The following POFUT2 variants were observed in gnomAD, a reference collection of about 807,000 sequenced individuals.
The protein encoded by POFUT2 is protein O-fucosyltransferase 2.
In POFUT2, 30 loss-of-function variants were observed where a neutral mutation model predicts 55.0. The ratio of observed to expected loss-of-function variants is 0.55; its 90% CI spans 0.41 to 0.74. The LOEUF (loss-of-function observed/expected upper bound fraction) is 0.74, where lower values mean the gene tolerates loss of function less well. Among genes scored for constraint, POFUT2 ranks in the 30% least tolerant of loss-of-function variants. The pLI, the probability that POFUT2 is intolerant of heterozygous loss-of-function variation, is 0.00. For synonymous variants in POFUT2, 267 were observed against 231.1 expected, an observed-to-expected ratio of 1.16 and a Z score of -1.41; for missense variants, 524 against 562.6, an observed-to-expected ratio of 0.93 and a Z score of 0.69.
rs1435520125 is a variant in POFUT2 at position 45,265,983 on chromosome 21, T to TG, written c.1137-349dup. On this transcript the variant is annotated intron_variant, in intron 8 of 8. Transcript: ENST00000349485. This position sits in a 1 kb window ranked among gnomAD's most constrained non-coding sequence, Gnocchi z 4.6. ...ACGCCAGTGCAGGTCGAATACCTCC[T>TG]GGGGGTCACATGGTGAACAATGAGA... 4.1e-6 allele frequency: 5 copies of TG among 1,225,194 alleles called. No homozygotes were observed. The highest frequency in any genetic ancestry group is 1.6e-5 in the African/African-American group (1 of 64,112). 75.9% of individuals were successfully genotyped at this position (1,225,194 alleles called of 1,614,324 possible).
chr21:45,266,462 C>A (rs1231394093), intron 8 of POFUT2: 1 of 1,144,940 alleles, frequency 8.7e-7, no homozygotes, highest in African/African-American at 1.6e-5. Flanking sequence ...CAGCTGAGGG[C>A]AGGAGGCTGA....
At chr21:45,279,190 GAC>G (rs58889660) in intron 4 of POFUT2, among the ~76,000 whole-genome samples, 18,629 of 152,086 alleles carry the variant, frequency 0.12, 1,554 homozygotes, top group African/African-American at 0.24. Flanking sequence ...AGGAGATCGA[GAC>G]CATCCTGGCT....
At chr21:45,276,052 G>A (rs146394336) in intron 6 of POFUT2, among the ~76,000 whole-genome samples, 1 of 152,060 alleles carries the variant, frequency 6.6e-6, no homozygotes, top group African/African-American at 2.4e-5. Flanking sequence ...AGCCGGGTGC[G>A]GTGGCACGCG....
intron 1 of POFUT2, 66 bp downstream of exon 1, chr21:45,287,675 C>CCCAACCCAACA: frequency 8.5e-7 from 1 of 1,181,394 alleles, no homozygotes; most frequent in Non-Finnish European, 1.1e-6. Context: ...CGCCCCGCCC[C>CCCAACCCAACA]CATCCCATCC....
chr21:45,283,364 G>A lies in POFUT2; in HGVS notation c.527+19C>T. 1 of 1,586,250 alleles carries A rather than the reference G, an allele frequency of 6.3e-7. No individual in the cohort carries two copies. On this transcript the variant is annotated intron_variant, in intron 3 of 8. Transcript: ENST00000349485. ...GGTGGGGGGGCACCTGCGGCAGGGG[G>A]AGCAGCCTCAGCAGGCACCTGTAGT...
At chr21:45,286,588 A>G (rs1322360403) in intron 1 of POFUT2, among the ~76,000 whole-genome samples, 2 of 152,240 alleles carry the variant, frequency 1.3e-5, no homozygotes, top group Admixed American at 1.3e-4. Context: ...CTCTGGTACT[A>G]CTATTAAAAC....
chr21:45,277,203 G>A lies in POFUT2; in HGVS notation c.706-61C>T, dbSNP rs2029896418. On this transcript the variant is annotated intron_variant, in intron 5 of 8. Transcript: ENST00000349485. The surrounding 1 kb of genome is among the most constrained non-coding windows in gnomAD (Gnocchi z 6.9). ...CCGCCCGCCACGCAGCCCTCCCGGAGCGGGTTCTCCTGTCGCTGCCACCAC... is the reference window on the plus strand; with the variant it reads ...CCGCCCGCCACGCAGCCCTCCCGGAACGGGTTCTCCTGTCGCTGCCACCAC... 1 of 1,584,802 alleles carries A rather than the reference G, an allele frequency of 6.3e-7. No individual in the cohort carries two copies. The highest frequency in any genetic ancestry group is 1.3e-5 in the African/African-American group (1 of 74,576).
Position 45,265,379 on chromosome 21 carries a change from G to A in POFUT2, c.*103C>T. On this transcript the variant is annotated 3_prime_UTR_variant, in exon 9 of 9. Transcript: ENST00000349485. The surrounding 1 kb of genome is among the most constrained non-coding windows in gnomAD (Gnocchi z 4.6). ...CTGGGACCCTGCGAGGGACGGTCCT[G>A]TCCGCCCAGCTCCCGGCTGGCAGTA... The A allele has an allele frequency of 9.1e-7, 1 of 1,101,642 alleles. No homozygotes were observed. Among genetic ancestry groups the A allele is most frequent in the Non-Finnish European group, 1.3e-6 (1 of 760,234 alleles). The allele number at this position is 1,101,642 out of a possible 1,614,324, so 68.2% of individuals were successfully genotyped here.
Position 45,285,938 on chromosome 21 carries a change from G to T in POFUT2, c.132-10C>A, listed in dbSNP as rs144239718. The T allele has an allele frequency of 1.1e-4, 172 of 1,592,634 alleles. No individual in the cohort carries two copies. In the African/African-American group the frequency reaches 1.8e-3, roughly 17 times the overall value. On this transcript the variant is annotated splice_polypyrimidine_tract_variant and intron_variant, in intron 1 of 8. Transcript: ENST00000349485. This position sits in a 1 kb window ranked among gnomAD's most constrained non-coding sequence, Gnocchi z 4.9. Reference sequence around the variant, plus strand: ...GTCATACAGAAGATACCTGAGCAGGGAGAAGGAGGACCACAGGTCTCAAAT... The same window carrying T: ...GTCATACAGAAGATACCTGAGCAGGTAGAAGGAGGACCACAGGTCTCAAAT...
In POFUT2 at chr21:45,285,217, C is replaced by T. The variant is rs2031243586; in HGVS notation, c.382+461G>A. On this transcript the variant is annotated intron_variant, in intron 2 of 8. Coordinates refer to ENST00000349485, the MANE Select transcript of POFUT2 (RefSeq NM_133635.6). This position sits in a 1 kb window ranked among gnomAD's most constrained non-coding sequence, Gnocchi z 4.9. ...CATTCTAAGAAGAGCTTTAATTCTTCTCTTAAAATTAACTGAAAAGATTAA... is the reference window on the plus strand; with the variant it reads ...CATTCTAAGAAGAGCTTTAATTCTTTTCTTAAAATTAACTGAAAAGATTAA... The T allele has an allele frequency of 5.2e-6, 1 of 192,180 alleles. No homozygotes were observed. The highest frequency in any genetic ancestry group is 5.5e-5 in the Admixed American group (1 of 18,196). The allele number at this position is 192,180 out of a possible 1,614,324, so 11.9% of individuals were successfully genotyped here.
At position 45,270,921 on chromosome 21, in the gene POFUT2, C is replaced by G. The variant is rs533983751; in HGVS notation, c.832-902G>C. On this transcript the variant is annotated intron_variant, in intron 6 of 8. Coordinates refer to ENST00000349485, the MANE Select transcript of POFUT2 (RefSeq NM_133635.6). The surrounding 1 kb of genome is among the most constrained non-coding windows in gnomAD (Gnocchi z 4.6). ...AGCCCGTGAGTTCCAGATCTTTCCACTGAAGTAGTCTGCCCAAATGAGAAG... is the reference window on the plus strand; with the variant it reads ...AGCCCGTGAGTTCCAGATCTTTCCAGTGAAGTAGTCTGCCCAAATGAGAAG... Among the ~76,000 whole-genome samples, 1 of 152,208 alleles carries G rather than the reference C, an allele frequency of 6.6e-6. No individual in the cohort carries two copies. Among genetic ancestry groups the G allele is most frequent in the Non-Finnish European group, 1.5e-5 (1 of 68,036 alleles).
chr21:45,287,861 A>T lies in POFUT2; in HGVS notation c.11T>A (p.Leu4His). 7.2e-7 allele frequency: 1 copy of T among 1,395,506 alleles called. No individual in the cohort carries two copies. The highest frequency in any genetic ancestry group is 9.4e-7 in the Non-Finnish European group (1 of 1,065,610). 86.4% of individuals were successfully genotyped at this position (1,395,506 alleles called of 1,614,324 possible). Reference sequence around the variant, plus strand: ...CCCCAGCAGCAGGAAGACGAAGCTGAGTGTCGCCATGGCCCCGGGCGGCCA... The same window carrying T: ...CCCCAGCAGCAGGAAGACGAAGCTGTGTGTCGCCATGGCCCCGGGCGGCCA... MAT[L>H]SFVFLLLGAV... Residue 4 changes from leucine to histidine, a missense_variant, in exon 1 of 9, where the codon CTC becomes CAC. By Grantham distance (99) the Leu-to-His change is moderately conservative. This residue lies in a region of POFUT2 where 274 missense variants were observed against 244.4 expected (regional missense o/e 1.12). Transcript: ENST00000349485.
chr21:45,279,503 A>G (rs1000204260), intron 4 of POFUT2, among the ~76,000 whole-genome samples: 2 of 152,258 alleles, frequency 1.3e-5, no homozygotes, highest in African/African-American at 4.8e-5. Flanking sequence ...AAAGGCTTTT[A>G]AAGTGTAGTT....
In POFUT2 at chr21:45,283,368, A is replaced by G. The variant is rs781115102; in HGVS notation, c.527+15T>C. ...GGGGGGCACCTGCGGCAGGGGGAGC[A>G]GCCTCAGCAGGCACCTGTAGTACTC... On this transcript the variant is annotated intron_variant, in intron 3 of 8. Transcript: ENST00000349485. The G allele has an allele frequency of 1.9e-6, 3 of 1,558,886 alleles. No homozygotes were observed. In the Admixed American group the frequency reaches 5.2e-5, roughly 27 times the overall value.
At chr21:45,286,613 A>G (rs2031434861) in intron 1 of POFUT2, among the ~76,000 whole-genome samples, 1 of 152,250 alleles carries the variant, frequency 6.6e-6, no homozygotes, top group Non-Finnish European at 1.5e-5. Flanking sequence ...ACAAAAGCTC[A>G]GAGATCCAGG....
rs9978857 is a variant in POFUT2 at position 45,285,240 on chromosome 21, T to G, written c.382+438A>C. 56,064 of 201,666 alleles carry G rather than the reference T, an allele frequency of 0.28. 8,615 individuals are homozygous for G. The highest frequency in any genetic ancestry group is 0.46 in the South Asian group (5,522 of 11,950). 12.5% of individuals were successfully genotyped at this position (201,666 alleles called of 1,614,324 possible). A position where few individuals can be genotyped will look rare whatever the true frequency, so the allele number is the denominator to read the frequency against. ...TTCTCTTAAAATTAACTGAAAAGATTAAGCAACACAAAATTAAACGAGACA... is the reference window on the plus strand; with the variant it reads ...TTCTCTTAAAATTAACTGAAAAGATGAAGCAACACAAAATTAAACGAGACA... On this transcript the variant is annotated intron_variant, in intron 2 of 8. Coordinates refer to ENST00000349485, the MANE Select transcript of POFUT2 (RefSeq NM_133635.6). The surrounding 1 kb of genome is among the most constrained non-coding windows in gnomAD (Gnocchi z 4.9).
At position 45,267,649 on chromosome 21, in the gene POFUT2, C is replaced by T. The variant is rs1399644839; in HGVS notation, c.1077G>A (p.Leu359=). The T allele has an allele frequency of 6.2e-7, 1 of 1,614,234 alleles. No individual in the cohort carries two copies. The highest frequency in any genetic ancestry group is 1.7e-5 in the Admixed American group (1 of 60,034). ...MVRFEPTWEE[L]ELYKDGGVAI... ...CAACGCCTCCGTCCTTGTAGAGCTC[C>T]AGCTCCTCCCACGTGGGTTCAAACC... Residue 359 remains leucine, a synonymous_variant, in exon 8 of 9, where the codon CTG becomes CTA. Coordinates refer to ENST00000349485, the MANE Select transcript of POFUT2 (RefSeq NM_133635.6). This position sits in a 1 kb window ranked among gnomAD's most constrained non-coding sequence, Gnocchi z 4.4.
At position 45,267,858 on chromosome 21, in the gene POFUT2, T is replaced by G; in HGVS notation, c.1013-145A>C. On this transcript the variant is annotated intron_variant, in intron 7 of 8. Coordinates refer to ENST00000349485, the MANE Select transcript of POFUT2 (RefSeq NM_133635.6). This position sits in a 1 kb window ranked among gnomAD's most constrained non-coding sequence, Gnocchi z 4.4. ...AAAGGTGCAGACACACAACTCAGCT[T>G]TACCCTCCCAGGAATTACAGTTGAA... The G allele has an allele frequency of 1.4e-6, 1 of 706,824 alleles. No homozygotes were observed. The allele number at this position is 706,824 out of a possible 1,614,324, so 43.8% of individuals were successfully genotyped here. A position where few individuals can be genotyped will look rare whatever the true frequency, so the allele number is the denominator to read the frequency against.
At chr21:45,279,312 T>G (rs2030275864) in intron 4 of POFUT2, among the ~76,000 whole-genome samples, 1 of 152,026 alleles carries the variant, frequency 6.6e-6, no homozygotes. Flanking sequence ...GGAGAATCGC[T>G]TGAACCCAGG....
Sources: allele counts gnomAD v4.1 joint callset (sites outside exome capture counted in the v4.1 genomes callset), GRCh38; gene constraint gnomAD v4.1.1; regional missense constraint gnomAD v4.1.1; non-coding constraint Gnocchi (gnomAD v3.1); transcripts MANE v1.5; gene names NCBI Gene and HGNC (gene_info 2026-07-23, HGNC 2026-07-21).